The following OPCML variants were observed in gnomAD, a reference collection of about 807,000 sequenced individuals.
OPCML encodes opioid binding protein/cell adhesion molecule like, also known as opioid-binding protein/cell adhesion molecule.
In OPCML, 13 loss-of-function variants were observed where a neutral mutation model predicts 37.8. That is an observed-to-expected ratio of 0.34 (90% CI 0.22 to 0.55). The LOEUF (loss-of-function observed/expected upper bound fraction) is 0.55, where lower values mean the gene tolerates loss of function less well. Ranked by LOEUF, OPCML falls within the 20% of genes least tolerant of loss-of-function variation. The probability of loss-of-function intolerance (pLI) is 0.91; values close to 1 mark genes in which losing one functional copy is unlikely to be tolerated. For missense variants in OPCML, 341 were observed against 435.6 expected (o/e 0.78, Z 1.93); for synonymous variants, 176 against 168.8 (o/e 1.04, Z -0.33).
intron 4 of OPCML, among the ~76,000 whole-genome samples, chr11:132,459,936 T>C (rs1020058317): frequency 1.3e-5 from 2 of 152,158 alleles, no homozygotes; most frequent in Non-Finnish European, 2.9e-5. Flanking sequence ...ACATTATTCA[T>C]TTTCAAGAAA....
chr11:133,330,042 C>T (rs967645507), intron 1 of OPCML, among the ~76,000 whole-genome samples: 5 of 152,180 alleles, frequency 3.3e-5, no homozygotes, highest in African/African-American at 1.2e-4. Flanking sequence ...ACAGACACTT[C>T]TCAAAAGAAG....
chr11:133,323,974 A>G (rs1030446600), intron 1 of OPCML, among the ~76,000 whole-genome samples: 1 of 152,178 alleles, frequency 6.6e-6, no homozygotes, highest in African/African-American at 2.4e-5. Flanking sequence ...TTGTTCTCTC[A>G]AGTTCTCCAT....
intron 1 of OPCML, chr11:133,421,648 T>C (rs1945889233): frequency 1.0e-6 from 1 of 985,326 alleles, no homozygotes; most frequent in Non-Finnish European, 1.2e-6. Context: ...TTATTTTGTT[T>C]CTTTTAGGTC....
intron 1 of OPCML, among the ~76,000 whole-genome samples, chr11:133,204,466 A>G (rs1938945701): frequency 6.6e-6 from 1 of 152,166 alleles, no homozygotes; most frequent in Non-Finnish European, 1.5e-5. Flanking sequence ...GGCACCAGTG[A>G]GAATATAAGG....
At chr11:133,530,154 G>A (rs984396481) in intron 1 of OPCML, among the ~76,000 whole-genome samples, 1 of 152,182 alleles carries the variant, frequency 6.6e-6, no homozygotes, top group Non-Finnish European at 1.5e-5. Flanking sequence ...CGGTCAGGCA[G>A]GGGTGCAGGT....
chr11:133,218,934 T>C (rs998331247), intron 1 of OPCML, among the ~76,000 whole-genome samples: 2 of 152,360 alleles, frequency 1.3e-5, no homozygotes, highest in East Asian at 3.9e-4. Context: ...CCCATAAGCC[T>C]ATAATCCTTT....
intron 2 of OPCML, among the ~76,000 whole-genome samples, chr11:132,782,331 C>T (rs1171698575): frequency 1.3e-5 from 2 of 152,014 alleles, no homozygotes; most frequent in Non-Finnish European, 2.9e-5. Context: ...ATGGCCCTGG[C>T]ATGGCACTGC....
At chr11:133,182,897 C>T (rs1215539694) in intron 1 of OPCML, among the ~76,000 whole-genome samples, 3 of 152,110 alleles carry the variant, frequency 2.0e-5, no homozygotes, top group Non-Finnish European at 4.4e-5. Context: ...TGGAACACCA[C>T]GAAGGCGCCC....
At position 133,147,433 on chromosome 11, in the gene OPCML, A is replaced by G. The variant is rs139456398; in HGVS notation, c.62-204423T>C. ...GAGGTGCATCTTGAGCAGACAGGACACGGAGAAAGCCCTACCCGCTTCAAA... is the reference window on the plus strand; with the variant it reads ...GAGGTGCATCTTGAGCAGACAGGACGCGGAGAAAGCCCTACCCGCTTCAAA... On this transcript the variant is annotated intron_variant, in intron 1 of 7. Transcript: ENST00000524381. Among the ~76,000 whole-genome samples, 146 of 152,236 alleles carry G rather than the reference A, an allele frequency of 9.6e-4. 1 individual carries two copies. Among genetic ancestry groups the G allele is most frequent in the African/African-American group, 3.3e-3 (138 of 41,522 alleles).
intron 2 of OPCML, among the ~76,000 whole-genome samples, chr11:132,740,231 A>G (rs1331063865): frequency 6.6e-6 from 1 of 152,128 alleles, no homozygotes; most frequent in East Asian, 1.9e-4. Context: ...TCTGTGATGT[A>G]TCTATTTATG....
rs530903205 is a variant in OPCML at position 132,997,331 on chromosome 11, C to T, written c.62-54321G>A. Reference sequence around the variant, plus strand: ...TTTTCTGTGGCTGTGCTATCAGCCCCGGCCACCAAATATCTCATCAGGTGT... The same window carrying T: ...TTTTCTGTGGCTGTGCTATCAGCCCTGGCCACCAAATATCTCATCAGGTGT... On this transcript the variant is annotated intron_variant, in intron 1 of 7. Transcript: ENST00000524381. Among the ~76,000 whole-genome samples the T allele has an allele frequency of 2.2e-3, 334 of 152,296 alleles. 1 individual carries two copies. Among genetic ancestry groups the T allele is most frequent in the African/African-American group, 7.1e-3 (294 of 41,556 alleles).
At chr11:133,249,890 G>A (rs991325389) in intron 1 of OPCML, among the ~76,000 whole-genome samples, 2 of 152,198 alleles carry the variant, frequency 1.3e-5, no homozygotes, top group African/African-American at 2.4e-5. Context: ...ATGAAAAAAA[G>A]GCATAGAAAT....
In OPCML at chr11:132,533,315, A is replaced by T. The variant is rs144948437; in HGVS notation, c.380-4129T>A. Among the ~76,000 whole-genome samples, 361 of 152,304 alleles carry T rather than the reference A, an allele frequency of 2.4e-3. 3 individuals are homozygous for T. The highest frequency in any genetic ancestry group is 8.1e-3 in the African/African-American group (336 of 41,560). ...TAACTTCAAAATGTGGTCATTTTGG[A>T]TAGATGACAGATGGGTAATAGCTAG... On this transcript the variant is annotated intron_variant, in intron 3 of 7. Transcript: ENST00000524381.
chr11:132,637,882 T>C (rs55940413), intron 3 of OPCML, among the ~76,000 whole-genome samples: 8,800 of 152,166 alleles, frequency 0.058, 342 homozygotes, highest in Non-Finnish European at 0.088. Context: ...CTCTTCCATG[T>C]CCTGCTCAGG....
chr11:132,791,198 C>A (rs1937884625), intron 2 of OPCML, among the ~76,000 whole-genome samples: 1 of 152,200 alleles, frequency 6.6e-6, no homozygotes, highest in African/African-American at 2.4e-5. Context: ...TCCACGATCA[C>A]ACACTGTTGC....
intron 1 of OPCML, among the ~76,000 whole-genome samples, chr11:133,094,580 C>T (rs1396341503): frequency 6.6e-6 from 1 of 152,082 alleles, no homozygotes; most frequent in Non-Finnish European, 1.5e-5. Context: ...AGTTGTTTAT[C>T]TTGTTAGTAG....
At chr11:132,630,019 A>G (rs1349876533) in intron 3 of OPCML, among the ~76,000 whole-genome samples, 3 of 152,220 alleles carry the variant, frequency 2.0e-5, no homozygotes, top group Non-Finnish European at 2.9e-5. Flanking sequence ...GTTTAAAAAA[A>G]TTAAAACAAT....
In OPCML at chr11:132,700,823, T is replaced by A. The variant is rs190128005; in HGVS notation, c.147-43504A>T. On this transcript the variant is annotated intron_variant, in intron 2 of 7. Coordinates refer to ENST00000524381, the MANE Select transcript of OPCML (RefSeq NM_001012393.5). ...ATTTTGGCTTACAGCGTTGTTAAAGTGCATATTTCCTTATTGAAATTCTGT... is the reference window on the plus strand; with the variant it reads ...ATTTTGGCTTACAGCGTTGTTAAAGAGCATATTTCCTTATTGAAATTCTGT... Among the ~76,000 whole-genome samples the A allele has an allele frequency of 3.7e-3, 561 of 152,290 alleles. 4 individuals are homozygous for A. Among genetic ancestry groups the A allele is most frequent in the South Asian group, 0.022 (105 of 4,820 alleles).
At chr11:133,263,547 GCA>G (rs1326078997) in intron 1 of OPCML, among the ~76,000 whole-genome samples, 1 of 152,108 alleles carries the variant, frequency 6.6e-6, no homozygotes, top group Non-Finnish European at 1.5e-5. Context: ...TATGGTGTTT[GCA>G]CAGTGATGAA....
Sources: allele counts gnomAD v4.1 joint callset (sites outside exome capture counted in the v4.1 genomes callset), GRCh38; gene constraint gnomAD v4.1.1; transcripts MANE v1.5; gene names NCBI Gene and HGNC (gene_info 2026-07-23, HGNC 2026-07-21).